The following GLIS3 variants were observed in gnomAD, a reference collection of about 807,000 sequenced individuals.
GLIS3 encodes GLIS family zinc finger 3, also known as zinc finger protein GLIS3.
In GLIS3, 53 loss-of-function variants were observed where a neutral mutation model predicts 78.6. The ratio of observed to expected loss-of-function variants is 0.67; its 90% CI spans 0.54 to 0.85. The LOEUF is 0.85. Ranked by LOEUF, GLIS3 falls within the 40% of genes least tolerant of loss-of-function variation. GLIS3 has a pLI of 0.00. For missense variants in GLIS3, 1,703 were observed against 1,231.1 expected, an observed-to-expected ratio of 1.38 and a Z score of -5.74; for synonymous variants, 684 against 509.9, an observed-to-expected ratio of 1.34 and a Z score of -4.60.
intron 1 of GLIS3, among the ~76,000 whole-genome samples, chr9:4,288,440 G>C (rs1343393514): frequency 2.6e-5 from 4 of 152,056 alleles, no homozygotes; most frequent in Admixed American, 2.6e-4. Context: ...AGTGACAAGT[G>C]TCTGCAGATT....
At chr9:4,086,533 G>A (rs967949354) in intron 4 of GLIS3, among the ~76,000 whole-genome samples, 1 of 152,158 alleles carries the variant, frequency 6.6e-6, no homozygotes, top group Non-Finnish European at 1.5e-5. Context: ...AATTGAAAAA[G>A]GATCTTCCAG....
chr9:4,418,502 C>T, the GLIS3 span, among the ~76,000 whole-genome samples: 3 of 152,080 alleles, frequency 2.0e-5, no homozygotes, highest in Non-Finnish European at 4.4e-5. Context: ...CATATTGGAC[C>T]AGGCTGGCCA....
intron 4 of GLIS3, among the ~76,000 whole-genome samples, chr9:4,096,015 A>C: frequency 6.6e-6 from 1 of 151,984 alleles, no homozygotes; most frequent in East Asian, 1.9e-4. Context: ...TATACAAAAA[A>C]AAAAAAAAAA....
At chr9:3,874,415 T>C (rs1054001509) in intron 8 of GLIS3, among the ~76,000 whole-genome samples, 1 of 152,202 alleles carries the variant, frequency 6.6e-6, no homozygotes, top group Non-Finnish European at 1.5e-5. Context: ...TTCATTGGTA[T>C]CCTTTATAAT....
intron 4 of GLIS3, among the ~76,000 whole-genome samples, chr9:3,966,317 CA>C (rs1259122123): frequency 6.6e-6 from 1 of 151,442 alleles, no homozygotes; most frequent in Non-Finnish European, 1.5e-5. Flanking sequence ...TCAGCAGGAG[CA>C]AAAAAGTGTA....
At chr9:4,220,968 C>A (rs950695731) in intron 2 of GLIS3, among the ~76,000 whole-genome samples, 17 of 152,090 alleles carry the variant, frequency 1.1e-4, no homozygotes, top group Non-Finnish European at 2.2e-4. Flanking sequence ...CTGGGTTACA[C>A]AGCAAGACCC....
At chr9:4,183,902 T>C (rs889973579) in intron 2 of GLIS3, among the ~76,000 whole-genome samples, 4 of 152,224 alleles carry the variant, frequency 2.6e-5, no homozygotes, top group African/African-American at 9.6e-5. Flanking sequence ...TCTAATATAC[T>C]GCTGCTGTCT....
intron 2 of GLIS3, among the ~76,000 whole-genome samples, chr9:4,197,914 G>T (rs965395534): frequency 2.6e-4 from 39 of 151,916 alleles, no homozygotes; most frequent in African/African-American, 9.4e-4. Flanking sequence ...CGCCCCCTAG[G>T]AAGGGAGGGG....
At chr9:3,830,829 C>T (rs576011135) in intron 9 of GLIS3, among the ~76,000 whole-genome samples, 2 of 152,176 alleles carry the variant, frequency 1.3e-5, no homozygotes, top group South Asian at 2.1e-4. Context: ...TCTTAGCTCT[C>T]TTTAAGTAAA....
At chr9:3,884,518 C>T (rs1291608940) in intron 7 of GLIS3, among the ~76,000 whole-genome samples, 1 of 151,708 alleles carries the variant, frequency 6.6e-6, no homozygotes, top group Non-Finnish European at 1.5e-5. Flanking sequence ...GATTCTGACT[C>T]ACTAGGTCTT....
At chr9:4,187,745 T>C (rs1290093809) in intron 2 of GLIS3, among the ~76,000 whole-genome samples, 1 of 152,204 alleles carries the variant, frequency 6.6e-6, no homozygotes, top group African/African-American at 2.4e-5. Flanking sequence ...GGTATTTTAT[T>C]CTCTTTGAAG....
chr9:4,357,591 A>ATGTGTGTGTGTGTGTG, the GLIS3 span, among the ~76,000 whole-genome samples: 132 of 127,886 alleles, frequency 1.0e-3, 1 homozygote, highest in African/African-American at 4.0e-3. Context: ...GTGTGTGTGC[A>ATGTGTGTGTGTGTGTG]TGTGTATGTG....
At chr9:4,034,225 A>G (rs1291188150) in intron 4 of GLIS3, among the ~76,000 whole-genome samples, 2 of 152,164 alleles carry the variant, frequency 1.3e-5, no homozygotes, top group Non-Finnish European at 2.9e-5. Flanking sequence ...TTGTCTCAAA[A>G]AAAAGTCGTA....
At chr9:4,061,505 T>C (rs1214332411) in intron 4 of GLIS3, among the ~76,000 whole-genome samples, 1 of 152,038 alleles carries the variant, frequency 6.6e-6, no homozygotes, top group East Asian at 1.9e-4. Context: ...CATCACAACA[T>C]AAGAAGAGAA....
At position 3,844,060 on chromosome 9, in the gene GLIS3, C is replaced by T. The variant is rs1053889930; in HGVS notation, c.2473+11949G>A. On this transcript the variant is annotated intron_variant, in intron 9 of 10. Transcript: ENST00000381971. ...ATCAGAAAGAGCACTCACAATTCTA[C>T]GTAAACCAACGAGAAATTTTAAGGG... 2.2e-4 allele frequency among the ~76,000 whole-genome samples: 33 copies of T among 152,152 alleles called. 1 individual carries two copies. Among genetic ancestry groups the T allele is most frequent in the African/African-American group, 7.0e-4 (29 of 41,420 alleles).
chr9:3,927,611 T>C (rs1410465568), intron 6 of GLIS3, among the ~76,000 whole-genome samples: 1 of 152,216 alleles, frequency 6.6e-6, no homozygotes, highest in African/African-American at 2.4e-5. Flanking sequence ...TTTTCTGTAT[T>C]TACGGAAAGG....
At chr9:4,452,408 G>A in the GLIS3 span, among the ~76,000 whole-genome samples, 419 of 152,280 alleles carry the variant, frequency 2.8e-3, 4 homozygotes, top group African/African-American at 9.0e-3. Flanking sequence ...TGACATGATT[G>A]TATATTTAGG....
chr9:4,335,969 T>A (rs759732460), intron 2 of GLIS3, among the ~76,000 whole-genome samples: 6 of 152,192 alleles, frequency 3.9e-5, no homozygotes, highest in Non-Finnish European at 8.8e-5. Context: ...TGACAGGTGA[T>A]GAAGAAGAAA....
intron 2 of GLIS3, among the ~76,000 whole-genome samples, chr9:4,170,676 G>T (rs1003300688): frequency 2.0e-5 from 3 of 152,106 alleles, no homozygotes; most frequent in African/African-American, 7.2e-5. Context: ...ATGTACGGTG[G>T]AACTCCTTTC....
Sources: allele counts gnomAD v4.1 joint callset (sites outside exome capture counted in the v4.1 genomes callset), GRCh38; gene constraint gnomAD v4.1.1; transcripts MANE v1.5; gene names NCBI Gene and HGNC (gene_info 2026-07-23, HGNC 2026-07-21).